Variants in CATSPERZ observed in about 807,000 individuals in gnomAD.
The protein encoded by CATSPERZ is cation channel sperm-associated auxiliary subunit zeta.
CATSPERZ carries 21 observed loss-of-function variants against 21.7 expected under a neutral mutation model. That is an observed-to-expected ratio of 0.97 (90% confidence interval 0.69 to 1.39). The LOEUF is 1.39. CATSPERZ is among the 40% of genes most tolerant of loss of function. The pLI, the probability that CATSPERZ is intolerant of heterozygous loss-of-function variation, is 0.00. For synonymous variants in CATSPERZ, 127 were observed against 108.7 expected, an observed-to-expected ratio of 1.17 and a Z score of -1.05; for missense variants, 234 against 259.5, an observed-to-expected ratio of 0.90 and a Z score of 0.68.
In CATSPERZ at chr11:64,300,845, G is replaced by C. The variant is rs1194961699; in HGVS notation, c.210G>C (p.Arg70=). Residue 70 remains arginine (R), a synonymous_variant, in exon 2 of 5, where the codon CGG becomes CGC. Coordinates refer to ENST00000328404, the MANE Select transcript of CATSPERZ (RefSeq NM_001039496.2). ...SKTRGWHSPG[R]GSLDEGYKAS... is the part of the protein sequence containing the mutation. ...CCCGCGGGTGGCACAGCCCGGGGCG[G>C]GGCTCGTTGGACGAGGGGTACAAGG... 16 of 1,559,220 alleles carry C rather than the reference G, an allele frequency of 1.0e-5. No homozygotes were observed. Among genetic ancestry groups the C allele is most frequent in the South Asian group, 5.9e-5 (5 of 84,664 alleles).
chr11:64,303,487 T>C lies in CATSPERZ; in HGVS notation c.358T>C (p.Ser120Pro), dbSNP rs1255395852. 8 of 1,612,574 alleles carry C rather than the reference T, an allele frequency of 5.0e-6. No homozygotes were observed. Among genetic ancestry groups the C allele is most frequent in the Non-Finnish European group, 5.9e-6 (7 of 1,179,322 alleles). The change falls in exon 3 of 5, where the codon TCT (serine) becomes CCT (proline). Residue 120 changes from serine (S) to proline (P), a missense_variant. Transcript: ENST00000328404. ...CCTTTTTTCTCTTCTCCCAGAAAAG[T>C]CTTCCTCAATGTCATCACTCAATAT... ...DTASQIEAEKSSSMSSLNIAK... is the reference protein window; with the variant it reads ...DTASQIEAEKPSSMSSLNIAK...
intron 3 of CATSPERZ, 95 bp downstream of exon 3, chr11:64,303,656 G>GCCCC: frequency 6.8e-7 from 1 of 1,473,892 alleles, no homozygotes; most frequent in Non-Finnish European, 9.2e-7. Flanking sequence ...GGTTGGCAGG[G>GCCCC]TGGAGGGGCA....
Position 64,303,769 on chromosome 11 carries a change from C to T in CATSPERZ, c.433-4C>T, listed in dbSNP as rs763901112. 9.4e-6 allele frequency: 15 copies of T among 1,596,246 alleles called. No individual in the cohort carries two copies. The South Asian group carries it at 1.1e-4, about 12-fold the overall frequency. Reference sequence around the variant, plus strand: ...GACGCCTAAGCCTCTTGCTGCTTCTCCAGCTGCCACTGCCCCTGATGGAAC... The same window carrying T: ...GACGCCTAAGCCTCTTGCTGCTTCTTCAGCTGCCACTGCCCCTGATGGAAC... On this transcript the variant is annotated splice_polypyrimidine_tract_variant and splice_region_variant and intron_variant, in intron 3 of 4. Coordinates refer to ENST00000328404, the MANE Select transcript of CATSPERZ (RefSeq NM_001039496.2).
chr11:64,301,069 G>A, intron 2 of CATSPERZ, 82 bp downstream of exon 2: 2 of 1,290,032 alleles, frequency 1.6e-6, no homozygotes, highest in Non-Finnish European at 2.1e-6. Flanking sequence ...TGTAAAATGG[G>A]GGGAAGCTGA....
intron 3 of CATSPERZ, 39 bp downstream of exon 3, chr11:64,303,600 AG>A (rs1234129102): frequency 7.7e-6 from 11 of 1,429,676 alleles, no homozygotes; most frequent in Non-Finnish European, 1.0e-5. Context: ...TCGGTGGGGT[AG>A]GGGATAGGCA....
intron 3 of CATSPERZ, 96 bp from the exon 4 acceptor site, chr11:64,303,677 T>A (rs1399848519): frequency 2.8e-6 from 4 of 1,431,398 alleles, no homozygotes; most frequent in African/African-American, 3.0e-5. Context: ...GGCAGGCTGG[T>A]TGGGGGTTTG....
intron 2 of CATSPERZ, 44 bp from the exon 3 acceptor site, chr11:64,303,438 C>G (rs566239234): frequency 3.3e-6 from 5 of 1,531,424 alleles, no homozygotes; most frequent in African/African-American, 1.4e-5. Flanking sequence ...CCAGGGAAGG[C>G]CCAGGAGTCT....
In CATSPERZ at chr11:64,300,724, T is replaced by C. The variant is rs898672550; in HGVS notation, c.89T>C (p.Leu30Pro). ...AGCGTGCATAGCGACACTCGGGACC[T>C]GTGGACCACGACCACGCTGTCCCAG... ...EESVHSDTRDLWTTTTLSQAQ... is the reference protein window; with the variant it reads ...EESVHSDTRDPWTTTTLSQAQ... The change falls in exon 2 of 5, where the codon CTG becomes CCG. Residue 30 changes from leucine (L) to proline (P), a missense_variant. Leu to Pro is a moderately conservative substitution (Grantham distance 98). Transcript: ENST00000328404. 2 of 1,551,318 alleles carry C rather than the reference T, an allele frequency of 1.3e-6. No homozygotes were observed. Among genetic ancestry groups the C allele is most frequent in the African/African-American group, 2.7e-5 (2 of 73,084 alleles).
intron 2 of CATSPERZ, among the ~76,000 whole-genome samples, chr11:64,302,425 C>T (rs1271357690): frequency 9.3e-5 from 14 of 151,124 alleles, no homozygotes; most frequent in Non-Finnish European, 1.6e-4. Context: ...GGACTACAGG[C>T]GCCTGCCAGC....
intron 1 of CATSPERZ, 80 bp from the exon 2 acceptor site, chr11:64,300,577 G>C: frequency 6.9e-7 from 1 of 1,449,672 alleles, no homozygotes; most frequent in Non-Finnish European, 9.2e-7. Context: ...AACCCGGCCC[G>C]GCTCAGTTCC....
intron 2 of CATSPERZ, among the ~76,000 whole-genome samples, chr11:64,302,571 G>A (rs1384276147): frequency 6.9e-6 from 1 of 144,550 alleles, no homozygotes; most frequent in African/African-American, 2.6e-5. Flanking sequence ...TGAGCCAACC[G>A]CGCTCGGCTA....
At chr11:64,302,559 C>T (rs1201378214) in intron 2 of CATSPERZ, among the ~76,000 whole-genome samples, 2 of 152,146 alleles carry the variant, frequency 1.3e-5, no homozygotes, top group South Asian at 2.1e-4. Context: ...GGATTACAGG[C>T]GTGAGCCAAC....
rs1441007260 is a variant in CATSPERZ, at chr11:64,300,402, G to C, written c.-9G>C. 12 of 1,447,044 alleles carry C rather than the reference G, an allele frequency of 8.3e-6. No individual in the cohort carries two copies. The highest frequency in any genetic ancestry group is 1.1e-5 in the Non-Finnish European group (12 of 1,074,716). 89.6% of individuals were successfully genotyped at this position (1,447,044 alleles called of 1,614,324 possible). On this transcript the variant is annotated 5_prime_UTR_variant, in exon 1 of 5. Coordinates refer to ENST00000328404, the MANE Select transcript of CATSPERZ (RefSeq NM_001039496.2). The stretch of plus-strand genomic sequence containing the variant: ...GGCCTGTGGCGTCTGGGTCCGTTGG[G>C]GCAGAACCATGGAGGAAAAGCCTTC...
At chr11:64,303,683 G>C in intron 3 of CATSPERZ, 90 bp from the exon 4 acceptor site, 1 of 1,441,134 alleles carries the variant, frequency 6.9e-7, no homozygotes, top group Non-Finnish European at 9.4e-7. Flanking sequence ...CTGGTTGGGG[G>C]TTTGGGGGCC....
rs2135239513 is a variant in CATSPERZ, at chr11:64,301,269, G to T, written c.352+282G>T. Among the ~76,000 whole-genome samples, 4 of 152,332 alleles carry T rather than the reference G, an allele frequency of 2.6e-5. No homozygotes were observed. In the South Asian group the frequency reaches 8.3e-4, roughly 32 times the overall value. The stretch of plus-strand genomic sequence containing the variant: ...GCAAAGACCCCGTGGTAGGACCTGC[G>T]GGGTTTTTTTGTTTTGTTTGTTTTG... On this transcript the variant is annotated intron_variant, in intron 2 of 4. Coordinates refer to ENST00000328404, the MANE Select transcript of CATSPERZ (RefSeq NM_001039496.2).
intron 4 of CATSPERZ, 73 bp downstream of exon 4, chr11:64,303,912 G>A (rs985760939): frequency 1.3e-6 from 2 of 1,496,860 alleles, no homozygotes; most frequent in Non-Finnish European, 1.8e-6. Flanking sequence ...GGGCCCAGGG[G>A]GGTGGGGTTT....
At chr11:64,301,284 T>C (rs1320688) in intron 2 of CATSPERZ, among the ~76,000 whole-genome samples, 129,648 of 152,194 alleles carry the variant, frequency 0.85, 58,334 homozygotes, top group Non-Finnish European at 1. Context: ...TTTTTTGTTT[T>C]GTTTGTTTTG....
intron 2 of CATSPERZ, 104 bp downstream of exon 2, chr11:64,301,091 T>C: frequency 8.7e-7 from 1 of 1,149,196 alleles, no homozygotes; most frequent in South Asian, 1.7e-5. Context: ...GGGATCCAAG[T>C]TTCTAGGATT....
At chr11:64,304,439 A>G in intron 4 of CATSPERZ, 104 bp from the exon 5 acceptor site, 1 of 817,792 alleles carries the variant, frequency 1.2e-6, no homozygotes, top group South Asian at 1.7e-5. Context: ...CGCTACTGCT[A>G]CCTCGAATCA....
Sources: gnomAD v4.1 joint callset for allele counts (sites outside exome capture counted in the v4.1 genomes callset) on GRCh38, gnomAD v4.1.1 for gene constraint, MANE v1.5 for transcripts, NCBI Gene and HGNC (gene_info 2026-07-23, HGNC 2026-07-21) for gene names.